The following PTPRG variants were observed in gnomAD, a reference collection of about 807,000 sequenced individuals.
PTPRG encodes the protein protein tyrosine phosphatase receptor type G.
PTPRG carries 102 observed loss-of-function variants against 165.3 expected under a neutral mutation model. The observed-to-expected ratio is 0.62, with a 90% CI of 0.53 to 0.73. The LOEUF (loss-of-function observed/expected upper bound fraction) is 0.73, where lower values mean the gene tolerates loss of function less well. Ranked by LOEUF, PTPRG falls within the 30% of genes least tolerant of loss-of-function variation. The probability of loss-of-function intolerance (pLI) is 0.00; values close to 1 mark genes in which losing one functional copy is unlikely to be tolerated. For missense variants in PTPRG, 1,866 were observed against 1,861.4 expected, an observed-to-expected ratio of 1.00 and a Z score of -0.05; for synonymous variants, 675 against 669.5, an observed-to-expected ratio of 1.01 and a Z score of -0.13.
chr3:62,078,655 T>G (rs917614751), intron 5 of PTPRG, among the ~76,000 whole-genome samples: 1 of 152,174 alleles, frequency 6.6e-6, no homozygotes, highest in Non-Finnish European at 1.5e-5. Flanking sequence ...TCCGTCACTT[T>G]TCTAAAGAGA....
intron 1 of PTPRG, among the ~76,000 whole-genome samples, chr3:61,740,517 T>A (rs1387181885): frequency 6.6e-6 from 1 of 152,176 alleles, no homozygotes; most frequent in Non-Finnish European, 1.5e-5. Context: ...ACTCCAATGT[T>A]TTGTCCATTT....
At chr3:61,985,622 G>C (rs146426228) in intron 2 of PTPRG, among the ~76,000 whole-genome samples, 112 of 152,286 alleles carry the variant, frequency 7.4e-4, no homozygotes, top group African/African-American at 2.3e-3. Flanking sequence ...TGCTCCTTAT[G>C]TCCCATTTCT....
intron 6 of PTPRG, among the ~76,000 whole-genome samples, chr3:62,133,435 G>C (rs778829482): frequency 6.6e-6 from 1 of 152,210 alleles, no homozygotes; most frequent in Non-Finnish European, 1.5e-5. Flanking sequence ...CTCCACAGCT[G>C]TGATAAAACA....
At chr3:62,168,920 A>G (rs1171858786) in intron 8 of PTPRG, among the ~76,000 whole-genome samples, 1 of 152,080 alleles carries the variant, frequency 6.6e-6, no homozygotes, top group Non-Finnish European at 1.5e-5. Context: ...CAGGATGTAT[A>G]GGGAGCTGGA....
intron 2 of PTPRG, among the ~76,000 whole-genome samples, chr3:61,905,100 T>A (rs2038608605): frequency 6.6e-6 from 1 of 152,164 alleles, no homozygotes; most frequent in African/African-American, 2.4e-5. Context: ...ATTGCCACAC[T>A]ATAGATATTT....
chr3:61,711,976 A>T (rs969081224), intron 1 of PTPRG, among the ~76,000 whole-genome samples: 1 of 149,750 alleles, frequency 6.7e-6, no homozygotes, highest in Admixed American at 6.7e-5. Context: ...TCACTGCAAC[A>T]TCTGCCTCCT....
At chr3:61,681,201 A>G (rs898524283) in intron 1 of PTPRG, among the ~76,000 whole-genome samples, 115 of 152,298 alleles carry the variant, frequency 7.6e-4, no homozygotes, top group African/African-American at 2.6e-3. Flanking sequence ...TCTTGCTTTT[A>G]AAACCTTCAC....
rs781480014 is a variant in PTPRG, at chr3:62,255,099, T to C, written c.2468-25T>C. The C allele has an allele frequency of 2.1e-5, 34 of 1,584,926 alleles. No homozygotes were observed. The highest frequency in any genetic ancestry group is 2.6e-5 in the Non-Finnish European group (30 of 1,158,406). ...TTTTATGGAAGTATTCTATGTAACT[T>C]TGAATATTATTTTATTCCCCCCAGA... On this transcript the variant is annotated intron_variant, in intron 15 of 29. Coordinates refer to ENST00000474889, the MANE Select transcript of PTPRG (RefSeq NM_002841.4). The surrounding 1 kb of genome is among the most constrained non-coding windows in gnomAD (Gnocchi z 4.0).
chr3:61,763,573 G>GTA (rs1462602040), intron 2 of PTPRG, among the ~76,000 whole-genome samples: 6 of 147,776 alleles, frequency 4.1e-5, no homozygotes, highest in Non-Finnish European at 7.4e-5. Flanking sequence ...GTTTCACCAT[G>GTA]TTGGCCAGGC....
chr3:61,784,115 C>T (rs1173489893), intron 2 of PTPRG, among the ~76,000 whole-genome samples: 1 of 152,124 alleles, frequency 6.6e-6, no homozygotes, highest in Non-Finnish European at 1.5e-5. Flanking sequence ...GTGAAAACTA[C>T]ACTGTGGACC....
intron 2 of PTPRG, among the ~76,000 whole-genome samples, chr3:61,981,565 A>G (rs1252759710): frequency 6.6e-6 from 1 of 152,202 alleles, no homozygotes. Flanking sequence ...GTATGTGCCA[A>G]TTACTGTTGG....
chr3:62,201,511 C>A lies in PTPRG; in HGVS notation c.1334C>A (p.Thr445Asn), dbSNP rs1175225196. 6.2e-7 allele frequency: 1 copy of A among 1,607,708 alleles called. No homozygotes were observed. The highest frequency in any genetic ancestry group is 8.5e-7 in the Non-Finnish European group (1 of 1,176,392). The change falls in exon 11 of 30, where the codon ACC becomes AAC. Residue 445 changes from threonine (T) to asparagine (N), a missense_variant. Physicochemically the swap from Thr to Asn is moderately conservative, Grantham distance 65. Coordinates refer to ENST00000474889, the MANE Select transcript of PTPRG (RefSeq NM_002841.4). ...TAATTTCTTTGTTTCTCAGCTAATA[C>A]CACTCGAATATTCCAAGGGACCAGA... ...FSQTMLFQAN[T>N]TRIFQGTRIV...
chr3:61,919,281 G>A (rs905607499), intron 2 of PTPRG, among the ~76,000 whole-genome samples: 6 of 152,198 alleles, frequency 3.9e-5, no homozygotes, highest in African/African-American at 1.2e-4. Flanking sequence ...ATCATGCACA[G>A]TTAAGTAGGG....
At chr3:61,562,661 G>A (rs902714961) in intron 1 of PTPRG, among the ~76,000 whole-genome samples, 1 of 152,012 alleles carries the variant, frequency 6.6e-6, no homozygotes, top group Non-Finnish European at 1.5e-5. Context: ...CTGGAATCGG[G>A]AGAAAGGGGG....
chr3:61,922,486 G>C (rs1173086386), intron 2 of PTPRG, among the ~76,000 whole-genome samples: 1 of 152,214 alleles, frequency 6.6e-6, no homozygotes, highest in East Asian at 1.9e-4. Flanking sequence ...GTGTGAGTGT[G>C]TGTGTGTGTA....
intron 1 of PTPRG, among the ~76,000 whole-genome samples, chr3:61,595,775 C>G (rs1700686893): frequency 6.6e-6 from 1 of 152,164 alleles, no homozygotes; most frequent in Non-Finnish European, 1.5e-5. Flanking sequence ...GCTAAGAAAT[C>G]TATCTAGTGT....
At chr3:62,202,871 CACT>C (rs1355725238) in intron 11 of PTPRG, among the ~76,000 whole-genome samples, 1 of 152,240 alleles carries the variant, frequency 6.6e-6, no homozygotes, top group Non-Finnish European at 1.5e-5. Flanking sequence ...TCAGCTTTAA[CACT>C]ACTTAGTTTT....
At chr3:61,752,741 G>A (rs1192965614) in intron 2 of PTPRG, among the ~76,000 whole-genome samples, 3 of 123,194 alleles carry the variant, frequency 2.4e-5, no homozygotes, top group African/African-American at 6.1e-5. Flanking sequence ...AGCTGAAATC[G>A]TGCCACTGTA....
chr3:61,966,596 G>A (rs1346141360), intron 2 of PTPRG, among the ~76,000 whole-genome samples: 1 of 152,072 alleles, frequency 6.6e-6, no homozygotes, highest in African/African-American at 2.4e-5. Context: ...AGATGACTAG[G>A]ACCCACTGAC....
Sources: allele counts gnomAD v4.1 joint callset (sites outside exome capture counted in the v4.1 genomes callset), GRCh38; gene constraint gnomAD v4.1.1; non-coding constraint Gnocchi (gnomAD v3.1); transcripts MANE v1.5; gene names NCBI Gene and HGNC (gene_info 2026-07-23, HGNC 2026-07-21).